Variants in RNF175 observed in about 807,000 individuals in gnomAD.
RNF175 encodes the protein ring finger protein 175.
In RNF175, 38 loss-of-function variants were observed where a neutral mutation model predicts 50.0. The ratio of observed to expected loss-of-function variants is 0.76; its 90% CI spans 0.59 to 1.00. The LOEUF is 1.00. RNF175 is among the 50% of genes least tolerant of loss of function. The pLI is 0.00. For missense variants in RNF175, 388 were observed against 409.6 expected, an observed-to-expected ratio of 0.95 and a Z score of 0.46; for synonymous variants, 155 against 146.1, an observed-to-expected ratio of 1.06 and a Z score of -0.44.
At chr4:153,731,345 T>C (rs755733162) in intron 3 of RNF175, among the ~76,000 whole-genome samples, 10 of 152,150 alleles carry the variant, frequency 6.6e-5, no homozygotes, top group South Asian at 2.1e-4. Context: ...AAGCCTGGCA[T>C]CTGGAACTCA....
chr4:153,710,534 A>T, intron 8 of RNF175, 45 bp from the exon 9 acceptor site: 1 of 1,572,952 alleles, frequency 6.4e-7, no homozygotes, highest in Non-Finnish European at 8.7e-7. Context: ...GCCAAGTAGC[A>T]GAAATATTCA....
chr4:153,712,544 A>G lies in RNF175; in HGVS notation c.797T>C (p.Ile266Thr), dbSNP rs761656612. ...FHEFCIRGWC[I>T]VGKKQTCPYC... is the part of the protein sequence containing the mutation. ...AGGGCAAGTCTGCTTTTTCCCAACG[A>G]TACACCAACCTCGGATGCAGAATTC... The change falls in exon 8 of 9, where the codon ATC becomes ACC. Residue 266 changes from isoleucine to threonine, a missense_variant. By Grantham distance (89) the Ile-to-Thr change is moderately conservative (BLOSUM62 -1). Coordinates refer to ENST00000347063, the MANE Select transcript of RNF175 (RefSeq NM_173662.4). 6.2e-6 allele frequency: 10 copies of G among 1,613,164 alleles called. No homozygotes were observed. The highest frequency in any genetic ancestry group is 7.6e-6 in the Non-Finnish European group (9 of 1,179,416).
chr4:153,710,723 A>G (rs114705072), intron 8 of RNF175, among the ~76,000 whole-genome samples: 46 of 152,332 alleles, frequency 3.0e-4, no homozygotes, highest in African/African-American at 1.1e-3. Context: ...TAAAATCCCA[A>G]ACTAGAAAAC....
chr4:153,738,663 C>T (rs1739480280), intron 3 of RNF175, among the ~76,000 whole-genome samples: 1 of 152,070 alleles, frequency 6.6e-6, no homozygotes, highest in Admixed American at 6.5e-5. Context: ...TAAATTAATC[C>T]ACTCTGAAAA....
intron 7 of RNF175, chr4:153,713,300 G>A (rs563162080): frequency 6.6e-6 from 1 of 152,238 alleles, no homozygotes; most frequent in Non-Finnish European, 1.5e-5. Flanking sequence ...GTACTTACAT[G>A]TTTCTCCTAG....
chr4:153,750,474 T>C (rs1399287506), intron 2 of RNF175, among the ~76,000 whole-genome samples: 1 of 152,220 alleles, frequency 6.6e-6, no homozygotes, highest in Non-Finnish European at 1.5e-5. Flanking sequence ...TTCAGTTTCT[T>C]TGAGAGGGAT....
intron 4 of RNF175, 83 bp from the exon 5 acceptor site, chr4:153,723,541 T>C (rs977406981): frequency 2.2e-5 from 15 of 678,310 alleles, no homozygotes; most frequent in South Asian, 1.9e-4. Context: ...ATAAAATATT[T>C]TGTCTTTTTC....
At chr4:153,724,170 G>C (rs1179020912) in intron 4 of RNF175, among the ~76,000 whole-genome samples, 1 of 152,178 alleles carries the variant, frequency 6.6e-6, no homozygotes, top group Non-Finnish European at 1.5e-5. Context: ...CGAGTGGAGA[G>C]AATCTAGAAG....
chr4:153,748,434 C>A, intron 3 of RNF175: 3 of 450,662 alleles, frequency 6.7e-6, no homozygotes, highest in Non-Finnish European at 1.2e-5. Context: ...TCCCCTCCCC[C>A]TTTTCACCCC....
Position 153,748,761 on chromosome 4 carries a change from T to C in RNF175, c.130A>G (p.Met44Val), listed in dbSNP as rs1252855827. Residue 44 changes from methionine to valine, a missense_variant, in exon 3 of 9, where the codon ATG (methionine) becomes GTG (valine). By Grantham distance (21) the Met-to-Val change is conservative. Transcript: ENST00000347063. ...TGCATGGAATCGTGGCCCCGGTGCATCTTGTACATCCTCTCCTGCTGCAGG... is the reference window on the plus strand; with the variant it reads ...TGCATGGAATCGTGGCCCCGGTGCACCTTGTACATCCTCTCCTGCTGCAGG... ...WNLQQERMYK[M>V]HRGHDSMHVE... The C allele has an allele frequency of 6.2e-7, 1 of 1,612,278 alleles. No homozygotes were observed. Among genetic ancestry groups the C allele is most frequent in the South Asian group, 1.1e-5 (1 of 90,544 alleles).
intron 3 of RNF175, among the ~76,000 whole-genome samples, chr4:153,742,606 T>G (rs1739730109): frequency 6.6e-6 from 1 of 152,182 alleles, no homozygotes; most frequent in Non-Finnish European, 1.5e-5. Context: ...GTTCTTGATA[T>G]GAGAGCAAAT....
chr4:153,712,629 C>T (rs1737667667), intron 7 of RNF175, 53 bp from the exon 8 acceptor site: 3 of 1,147,398 alleles, frequency 2.6e-6, no homozygotes, highest in African/African-American at 3.0e-5. Context: ...ATGTCTGGTT[C>T]ATGATGGCAT....
intron 3 of RNF175, among the ~76,000 whole-genome samples, chr4:153,732,079 A>C (rs932669125): frequency 2.0e-5 from 3 of 152,122 alleles, no homozygotes; most frequent in Non-Finnish European, 4.4e-5. Flanking sequence ...TAAAAATACA[A>C]AAATTAGCTG....
intron 1 of RNF175, among the ~76,000 whole-genome samples, chr4:153,755,005 C>G (rs187896316): frequency 2.0e-5 from 3 of 152,338 alleles, no homozygotes. Context: ...TCTTCCCTGT[C>G]CCAGCAGATC....
In RNF175 at chr4:153,717,249, T is replaced by TC. The variant is rs532460933; in HGVS notation, c.631-1588dup. On this transcript the variant is annotated intron_variant, in intron 6 of 8. Coordinates refer to ENST00000347063, the MANE Select transcript of RNF175 (RefSeq NM_173662.4). The stretch of plus-strand genomic sequence containing the variant: ...TTGGCTCCTGTGTCTCTTTGACATA[T>TC]CCCCAATCACTGTGGAGTTCTTTTG... Among the ~76,000 whole-genome samples, 488 of 152,340 alleles carry TC rather than the reference T, an allele frequency of 3.2e-3. 1 individual carries two copies. Among genetic ancestry groups the TC allele is most frequent in the African/African-American group, 0.011 (469 of 41,568 alleles).
At chr4:153,748,814 A>G in intron 2 of RNF175, 28 bp from the exon 3 acceptor site, 1 of 1,603,924 alleles carries the variant, frequency 6.2e-7, no homozygotes, top group Non-Finnish European at 8.5e-7. Flanking sequence ...AGGTCATCTG[A>G]AAAAGCCCTC....
intron 3 of RNF175, 64 bp downstream of exon 3, chr4:153,748,581 G>T: frequency 7.0e-7 from 1 of 1,431,144 alleles, no homozygotes; most frequent in Non-Finnish European, 9.3e-7. Context: ...AACATGTCCT[G>T]GAAAAAAACA....
In RNF175 at chr4:153,721,019, A is replaced by G. The variant is rs544787164; in HGVS notation, c.510-715T>C. ...CTTGACACAAAAATTGGTACATCAC[A>G]AAGCCACAAATCAAGCTCACATCTT... On this transcript the variant is annotated intron_variant, in intron 5 of 8. Coordinates refer to ENST00000347063, the MANE Select transcript of RNF175 (RefSeq NM_173662.4). 1.8e-4 allele frequency among the ~76,000 whole-genome samples: 28 copies of G among 152,360 alleles called. 1 individual carries two copies. The South Asian group carries it at 5.8e-3, about 32-fold the overall frequency.
At chr4:153,728,382 A>G in intron 3 of RNF175, 21 bp from the exon 4 acceptor site, 1 of 1,611,102 alleles carries the variant, frequency 6.2e-7, no homozygotes, top group Non-Finnish European at 8.5e-7. Context: ...AATGAACAGG[A>G]AGTATCTTTC....
Sources: allele counts gnomAD v4.1 joint callset (sites outside exome capture counted in the v4.1 genomes callset), GRCh38; gene constraint gnomAD v4.1.1; transcripts MANE v1.5; gene names NCBI Gene and HGNC (gene_info 2026-07-23, HGNC 2026-07-21).